VSTM2A: variants seen among roughly 807,000 people sequenced by gnomAD.
VSTM2A encodes V-set and transmembrane domain containing 2A.
A neutral mutation model predicts 27.3 loss-of-function variants in VSTM2A; 13 were observed. That is an observed-to-expected ratio of 0.48 (90% CI 0.31 to 0.76). The LOEUF (loss-of-function observed/expected upper bound fraction) is 0.76. VSTM2A is among the 30% of genes least tolerant of loss of function. The pLI is 0.05. For missense variants in VSTM2A, 280 were observed against 310.0 expected (o/e 0.90, Z 0.73); for synonymous variants, 142 against 125.7 (o/e 1.13, Z -0.87).
intron 4 of VSTM2A, chr7:54,554,175 T>G (rs1477146687): frequency 6.7e-7 from 1 of 1,494,970 alleles, no homozygotes; most frequent in African/African-American, 1.4e-5. Context: ...CTTCCCAGTC[T>G]CTAGGCAGCC....
Position 54,551,566 on chromosome 7 carries a change from A to G in VSTM2A, c.634+1396A>G, listed in dbSNP as rs529376175. On this transcript the variant is annotated intron_variant, in intron 4 of 4. Transcript: ENST00000402613. ...TTTCTGCTTACCAAATTAAAGGACA[A>G]ACTAGTATAGCTGGAACATATATGT... 2.6e-5 allele frequency: 4 copies of G among 152,330 alleles called. No homozygotes were observed. The South Asian group carries it at 6.2e-4, about 24-fold the overall frequency. 9.4% of individuals were successfully genotyped at this position (152,330 alleles called of 1,614,324 possible).
intron 4 of VSTM2A, chr7:54,559,397 G>A (rs567830113): frequency 1.2e-4 from 19 of 152,072 alleles, no homozygotes; most frequent in Non-Finnish European, 1.6e-4. Flanking sequence ...TTTTTCAGAA[G>A]TATTTATAGA....
intron 4 of VSTM2A, among the ~76,000 whole-genome samples, chr7:54,565,521 G>T (rs1788694187): frequency 6.6e-6 from 1 of 152,186 alleles, no homozygotes; most frequent in South Asian, 2.1e-4. Flanking sequence ...GTGCTGAAAG[G>T]CAACTGAGCA....
intron 1 of VSTM2A, 66 bp downstream of exon 1, chr7:54,542,875 G>A (rs1787830402): frequency 7.0e-7 from 1 of 1,438,008 alleles, no homozygotes; most frequent in Admixed American, 1.7e-5. Flanking sequence ...CACTCAAAAA[G>A]AATGGACAGG....
Position 54,542,500 on chromosome 7 carries a change from G to A in VSTM2A, c.-231G>A. On this transcript the variant is annotated 5_prime_UTR_variant, in exon 1 of 5. Transcript: ENST00000402613. ...CCAGGCAGCCGAGACACTTCCCAGC[G>A]ATTCCAGCCTGGGCTCCGCAGGAAG... 1 of 539,598 alleles carries A rather than the reference G, an allele frequency of 1.9e-6. No individual in the cohort carries two copies. The highest frequency in any genetic ancestry group is 3.2e-6 in the Non-Finnish European group (1 of 308,080). 33.4% of individuals were successfully genotyped at this position (539,598 alleles called of 1,614,324 possible).
In VSTM2A at chr7:54,550,171, G is replaced by C; in HGVS notation, c.634+1G>C. The stretch of plus-strand genomic sequence containing the variant: ...ATCCCCAAACAAAGTCCACAATCAG[G>C]TATGGAAACCCATTTCGAGCCTTTT... On this transcript the variant is annotated splice_donor_variant, in intron 4 of 4. Coordinates refer to ENST00000402613, the MANE Select transcript of VSTM2A (RefSeq NM_001301009.2). LOFTEE classifies it high-confidence loss of function. The C allele has an allele frequency of 6.3e-7, 1 of 1,592,824 alleles. No homozygotes were observed. Among genetic ancestry groups the C allele is most frequent in the African/African-American group, 1.3e-5 (1 of 74,388 alleles).
chr7:54,544,938 G>A lies in VSTM2A; in HGVS notation c.246+150G>A, dbSNP rs865776278. 1.3e-5 allele frequency: 13 copies of A among 997,662 alleles called. 1 individual carries two copies. The highest frequency in any genetic ancestry group is 3.0e-5 in the Admixed American group (1 of 33,376). The allele number at this position is 997,662 out of a possible 1,614,324, so 61.8% of individuals were successfully genotyped here. ...GAGTGACCCCCAGGGCTTCTAGGGA[G>A]GGAAAGGGAATTTGTCCTGGGGACG... On this transcript the variant is annotated intron_variant, in intron 2 of 4. Coordinates refer to ENST00000402613, the MANE Select transcript of VSTM2A (RefSeq NM_001301009.2).
At chr7:54,544,913 G>A (rs1041064891) in intron 2 of VSTM2A, 125 bp downstream of exon 2, 169 of 1,195,008 alleles carry the variant, frequency 1.4e-4, no homozygotes, top group Non-Finnish European at 1.8e-4. Context: ...CTGTGGAAGC[G>A]AGTGACCCCC....
At chr7:54,555,227 C>A (rs995267799) in intron 4 of VSTM2A, among the ~76,000 whole-genome samples, 5 of 152,240 alleles carry the variant, frequency 3.3e-5, no homozygotes, top group African/African-American at 1.2e-4. Context: ...CTTTCCTCAT[C>A]TAATCCAATC....
chr7:54,557,158 C>T (rs1279967835), intron 4 of VSTM2A: 1 of 152,272 alleles, frequency 6.6e-6, no homozygotes, highest in Non-Finnish European at 1.5e-5. Context: ...ATCTGAGCAG[C>T]GAAGGGGCGT....
intron 4 of VSTM2A, among the ~76,000 whole-genome samples, chr7:54,563,647 A>C (rs941611296): frequency 1.3e-5 from 2 of 152,026 alleles, no homozygotes; most frequent in Admixed American, 1.3e-4. Flanking sequence ...ATGGAGTGGC[A>C]CCCATGCACC....
chr7:54,549,279 A>G (rs1049147297), intron 3 of VSTM2A, among the ~76,000 whole-genome samples: 9 of 152,306 alleles, frequency 5.9e-5, no homozygotes, highest in Non-Finnish European at 1.2e-4. Context: ...ACTAGAGGCA[A>G]GACTGCATCT....
At chr7:54,550,575 G>GC in intron 4 of VSTM2A, 1 of 246,668 alleles carries the variant, frequency 4.1e-6, no homozygotes. Context: ...AGAGAGACAT[G>GC]CCATATCATG....
At chr7:54,560,663 C>G (rs898124225) in intron 4 of VSTM2A, among the ~76,000 whole-genome samples, 11 of 152,142 alleles carry the variant, frequency 7.2e-5, no homozygotes, top group Admixed American at 5.2e-4. Context: ...AGGTATAAAA[C>G]ATACCTAATA....
intron 4 of VSTM2A, among the ~76,000 whole-genome samples, chr7:54,563,672 T>C (rs1479526161): frequency 6.6e-6 from 1 of 152,108 alleles, no homozygotes; most frequent in Non-Finnish European, 1.5e-5. Context: ...CCTGTAGACC[T>C]GCGTTCGTGG....
At chr7:54,546,565 T>TGCCCCCCC (rs1261814517) in intron 2 of VSTM2A, 26,528 of 139,508 alleles carry the variant, frequency 0.19, 2,459 homozygotes, top group African/African-American at 0.24. Context: ...CCCCCCCGCC[T>TGCCCCCCC]GCCCGCCCGC....
chr7:54,551,831 T>C (rs1788210597), intron 4 of VSTM2A: 1 of 152,220 alleles, frequency 6.6e-6, no homozygotes. Context: ...GAAATTATTA[T>C]TATCCTACAT....
At chr7:54,547,072 G>T in intron 3 of VSTM2A, 75 bp downstream of exon 3, 2 of 1,475,766 alleles carry the variant, frequency 1.4e-6, no homozygotes, top group Non-Finnish European at 9.0e-7. Context: ...CGAGAAGGCG[G>T]CTTGCCAGCG....
chr7:54,545,991 A>AG (rs1181386945), intron 2 of VSTM2A, among the ~76,000 whole-genome samples: 1 of 69,560 alleles, frequency 1.4e-5, no homozygotes, highest in East Asian at 5.5e-4. Context: ...AGAGAGAATG[A>AG]GGGGGGAAGG....
Sources: allele counts gnomAD v4.1 joint callset (sites outside exome capture counted in the v4.1 genomes callset), GRCh38; gene constraint gnomAD v4.1.1; transcripts MANE v1.5; gene names NCBI Gene and HGNC (gene_info 2026-07-23, HGNC 2026-07-21).